ROBO1: variants seen among roughly 807,000 people sequenced by gnomAD.
ROBO1 encodes roundabout homolog 1.
In ROBO1, 149 loss-of-function variants were observed where a neutral mutation model predicts 195.9. The observed-to-expected ratio is 0.76, with a 90% CI of 0.67 to 0.87. The LOEUF (loss-of-function observed/expected upper bound fraction) is 0.87, where lower values mean the gene tolerates loss of function less well. Ranked by LOEUF, ROBO1 falls within the 40% of genes least tolerant of loss-of-function variation. The pLI is 0.00. For synonymous variants in ROBO1, 816 were observed against 733.2 expected (o/e 1.11, Z -1.82); for missense variants, 1,933 against 2,068.3 (o/e 0.93, Z 1.27).
At chr3:79,278,874 T>C (rs754540155) in intron 2 of ROBO1, among the ~76,000 whole-genome samples, 1 of 152,082 alleles carries the variant, frequency 6.6e-6, no homozygotes, top group Non-Finnish European at 1.5e-5. Context: ...CTGTACAGCA[T>C]AGGAAACCAC....
At chr3:79,280,723 G>A (rs1276142673) in intron 2 of ROBO1, among the ~76,000 whole-genome samples, 1 of 152,120 alleles carries the variant, frequency 6.6e-6, no homozygotes, top group Non-Finnish European at 1.5e-5. Context: ...GGATGAAACT[G>A]TTCATCCCGA....
chr3:79,499,172 G>A (rs1402209412), intron 2 of ROBO1, among the ~76,000 whole-genome samples: 1 of 151,984 alleles, frequency 6.6e-6, no homozygotes, highest in Non-Finnish European at 1.5e-5. Context: ...TTTTTGAATT[G>A]TTAGTAGAGA....
intron 2 of ROBO1, among the ~76,000 whole-genome samples, chr3:79,264,439 T>C (rs1317603166): frequency 6.6e-6 from 1 of 151,958 alleles, no homozygotes; most frequent in Non-Finnish European, 1.5e-5. Context: ...TTAACTTTGC[T>C]TTGTCTCTCT....
At chr3:79,129,457 A>G (rs1196936536) in intron 2 of ROBO1, among the ~76,000 whole-genome samples, 4 of 152,138 alleles carry the variant, frequency 2.6e-5, no homozygotes, top group African/African-American at 9.6e-5. Flanking sequence ...CACAAACAGT[A>G]TATAAGTGGA....
At chr3:78,814,281 A>G (rs1011405300) in intron 4 of ROBO1, among the ~76,000 whole-genome samples, 1 of 152,244 alleles carries the variant, frequency 6.6e-6, no homozygotes, top group East Asian at 1.9e-4. Flanking sequence ...GTAATCACAT[A>G]AAACTAAAAA....
chr3:79,055,618 T>C (rs1301117630), intron 3 of ROBO1, among the ~76,000 whole-genome samples: 1 of 151,990 alleles, frequency 6.6e-6, no homozygotes, highest in Admixed American at 6.6e-5. Context: ...ACTGGCACAA[T>C]GGGGGGCTGA....
chr3:79,580,695 A>C (rs2107787168), intron 2 of ROBO1, among the ~76,000 whole-genome samples: 1 of 152,184 alleles, frequency 6.6e-6, no homozygotes, highest in East Asian at 1.9e-4. Context: ...ATATATGTAC[A>C]TCCGCACACC....
intron 3 of ROBO1, among the ~76,000 whole-genome samples, chr3:78,949,575 C>G (rs1004544169): frequency 3.3e-5 from 5 of 152,140 alleles, no homozygotes; most frequent in African/African-American, 9.7e-5. Flanking sequence ...AAAACCTAGG[C>G]AATACCATTC....
intron 2 of ROBO1, among the ~76,000 whole-genome samples, chr3:79,520,881 TGA>T (rs887486708): frequency 6.7e-6 from 1 of 150,072 alleles, no homozygotes; most frequent in African/African-American, 2.4e-5. Flanking sequence ...ATACTTTGAG[TGA>T]GAGATTAAAA....
At chr3:78,665,821 TA>T (rs1022413483) in intron 14 of ROBO1, among the ~76,000 whole-genome samples, 48 of 146,228 alleles carry the variant, frequency 3.3e-4, no homozygotes, top group Admixed American at 4.8e-4. Flanking sequence ...AGCTGAAATT[TA>T]AAAAAAAAAA....
intron 3 of ROBO1, among the ~76,000 whole-genome samples, chr3:78,991,591 G>T (rs1481540156): frequency 6.6e-6 from 1 of 152,178 alleles, no homozygotes; most frequent in African/African-American, 2.4e-5. Context: ...CTCACTATTT[G>T]ATTTGAGTGA....
chr3:78,979,230 G>A (rs1164070449), intron 3 of ROBO1, among the ~76,000 whole-genome samples: 2 of 152,068 alleles, frequency 1.3e-5, no homozygotes, highest in Non-Finnish European at 2.9e-5. Context: ...TAAATGAGTG[G>A]TCACTGAGAT....
chr3:78,878,053 A>C (rs145106041), intron 4 of ROBO1, among the ~76,000 whole-genome samples: 1 of 152,208 alleles, frequency 6.6e-6, no homozygotes, highest in African/African-American at 2.4e-5. Context: ...ATTTTCACTA[A>C]GGATTTCTTT....
At chr3:79,110,093 C>T (rs1447697844) in intron 3 of ROBO1, among the ~76,000 whole-genome samples, 1 of 152,000 alleles carries the variant, frequency 6.6e-6, no homozygotes, top group Non-Finnish European at 1.5e-5. Context: ...CTCTTTCTCA[C>T]TCGGTCCCTT....
intron 1 of ROBO1, among the ~76,000 whole-genome samples, chr3:79,637,718 T>C (rs972707490): frequency 6.6e-6 from 1 of 151,926 alleles, no homozygotes; most frequent in Non-Finnish European, 1.5e-5. Flanking sequence ...GTTTAACACA[T>C]AACACAATGC....
rs2084833811 is a variant in ROBO1, at chr3:78,814,286, T to G, written c.500-67386A>C. Among the ~76,000 whole-genome samples, 3 of 152,164 alleles carry G rather than the reference T, an allele frequency of 2.0e-5. No homozygotes were observed. The South Asian group carries it at 6.2e-4, about 32-fold the overall frequency. ...AATTTTTCTAGTAATCACATAAAAC[T>G]AAAAAGTTGAAATTAATTTTATATA... On this transcript the variant is annotated intron_variant, in intron 4 of 30. Transcript: ENST00000464233.
At chr3:79,757,457 C>A (rs112906764) in intron 1 of ROBO1, among the ~76,000 whole-genome samples, 160 of 151,684 alleles carry the variant, frequency 1.1e-3, no homozygotes, top group South Asian at 8.8e-3. Flanking sequence ...ATTTTTTATT[C>A]TTGTCAATAC....
At chr3:79,564,035 T>A (rs991581090) in intron 2 of ROBO1, among the ~76,000 whole-genome samples, 1 of 148,034 alleles carries the variant, frequency 6.8e-6, no homozygotes, top group Non-Finnish European at 1.5e-5. Context: ...ATGGTAAAAT[T>A]AAAAAAAAAA....
At chr3:79,359,495 T>C (rs1263347803) in intron 2 of ROBO1, among the ~76,000 whole-genome samples, 1 of 152,030 alleles carries the variant, frequency 6.6e-6, no homozygotes, top group African/African-American at 2.4e-5. Flanking sequence ...ATATAATTGC[T>C]TCTAAAAACA....
Sources: allele counts gnomAD v4.1 joint callset (sites outside exome capture counted in the v4.1 genomes callset), GRCh38; gene constraint gnomAD v4.1.1; transcripts MANE v1.5; gene names NCBI Gene and HGNC (gene_info 2026-07-23, HGNC 2026-07-21).